Variants in VTI1A observed in about 807,000 individuals in gnomAD.
VTI1A encodes vesicle transport through interaction with t-SNAREs 1A.
A neutral mutation model predicts 34.9 loss-of-function variants in VTI1A; 22 were observed. The ratio of observed to expected loss-of-function variants is 0.63; its 90% CI spans 0.45 to 0.90. The LOEUF is 0.90. VTI1A is among the 40% of genes least tolerant of loss of function. The pLI, the probability that VTI1A is intolerant of heterozygous loss-of-function variation, is 0.00. For synonymous variants in VTI1A, 87 were observed against 97.3 expected, an observed-to-expected ratio of 0.89 and a Z score of 0.62; for missense variants, 268 against 275.6, an observed-to-expected ratio of 0.97 and a Z score of 0.20.
intron 1 of VTI1A, among the ~76,000 whole-genome samples, chr10:112,454,712 CA>C (rs10711229): frequency 0.52 from 70,011 of 134,486 alleles, 17,462 homozygotes; most frequent in Middle Eastern, 0.61. Context: ...GCTTATAGAC[CA>C]AAAAAAAAAA....
At chr10:112,561,563 A>G (rs1851726132) in intron 5 of VTI1A, among the ~76,000 whole-genome samples, 1 of 152,222 alleles carries the variant, frequency 6.6e-6, no homozygotes, top group Non-Finnish European at 1.5e-5. Flanking sequence ...AAATTCATCA[A>G]CATGAAGCTG....
At chr10:112,572,538 T>TA (rs1564832057) in intron 5 of VTI1A, among the ~76,000 whole-genome samples, 1 of 152,036 alleles carries the variant, frequency 6.6e-6, no homozygotes, top group East Asian at 1.9e-4. Context: ...ACTTTGTCAA[T>TA]AAAAAAATTG....
chr10:112,657,743 G>A (rs1408477380), intron 5 of VTI1A, among the ~76,000 whole-genome samples: 2 of 151,912 alleles, frequency 1.3e-5, no homozygotes, highest in Non-Finnish European at 2.9e-5. Context: ...AGCAACAGAA[G>A]AAGAAAACAG....
intron 7 of VTI1A, among the ~76,000 whole-genome samples, chr10:112,691,888 T>G (rs145228894): frequency 6.6e-6 from 1 of 152,310 alleles, no homozygotes; most frequent in African/African-American, 2.4e-5. Context: ...GGAGACTCAA[T>G]TGGGATCACT....
intron 5 of VTI1A, among the ~76,000 whole-genome samples, chr10:112,635,618 C>G (rs1846325148): frequency 6.6e-6 from 1 of 152,102 alleles, no homozygotes; most frequent in African/African-American, 2.4e-5. Flanking sequence ...ACAGGGAAAC[C>G]AGTTAAGAGG....
intron 5 of VTI1A, among the ~76,000 whole-genome samples, chr10:112,585,963 G>A (rs1844137641): frequency 1.3e-5 from 2 of 152,058 alleles, no homozygotes; most frequent in East Asian, 3.9e-4. Context: ...TTGGAGTCAA[G>A]TCCTCTGTTT....
At chr10:112,730,408 G>C (rs745934273) in intron 7 of VTI1A, among the ~76,000 whole-genome samples, 32 of 152,232 alleles carry the variant, frequency 2.1e-4, no homozygotes, top group Non-Finnish European at 3.5e-4. Flanking sequence ...GCGTGATCTT[G>C]TCAGTCCAAA....
At chr10:112,841,167 T>C in the VTI1A span, among the ~76,000 whole-genome samples, 21 of 152,262 alleles carry the variant, frequency 1.4e-4, no homozygotes, top group African/African-American at 4.8e-4. Flanking sequence ...TCCTAGGGGA[T>C]ACTAAAGACA....
At chr10:112,519,878 C>T (rs1254278736) in intron 3 of VTI1A, among the ~76,000 whole-genome samples, 1 of 152,012 alleles carries the variant, frequency 6.6e-6, no homozygotes, top group Non-Finnish European at 1.5e-5. Flanking sequence ...TGACTATGGA[C>T]AGATTTTCAA....
intron 3 of VTI1A, among the ~76,000 whole-genome samples, chr10:112,511,102 A>G (rs910937432): frequency 5.3e-5 from 8 of 152,134 alleles, no homozygotes; most frequent in Non-Finnish European, 1.5e-5. Flanking sequence ...TTGTATTTGA[A>G]AATAATCTCA....
chr10:112,625,204 G>C (rs556569282), intron 5 of VTI1A, among the ~76,000 whole-genome samples: 3 of 152,366 alleles, frequency 2.0e-5, no homozygotes, highest in African/African-American at 4.8e-5. Context: ...TTATGTGTTT[G>C]AGTGTAAAAG....
rs112211272 is a variant in VTI1A at position 112,610,037 on chromosome 10, A to G, written c.428-58181A>G. Among the ~76,000 whole-genome samples the G allele has an allele frequency of 7.2e-4, 110 of 152,294 alleles. 1 individual carries two copies. The highest frequency in any genetic ancestry group is 2.6e-3 in the African/African-American group (108 of 41,554). On this transcript the variant is annotated intron_variant, in intron 5 of 7. Transcript: ENST00000393077. ...GCAGAAAAAAAAATGTGGTAAACAC[A>G]TAGGAAAAGAGAAACAGTGTGGTAA...
intron 7 of VTI1A, among the ~76,000 whole-genome samples, chr10:112,813,660 G>A (rs945219707): frequency 2.6e-4 from 39 of 152,222 alleles, no homozygotes; most frequent in African/African-American, 8.0e-4. Flanking sequence ...AAGCCATGAA[G>A]TCCTGTTTTT....
intron 7 of VTI1A, among the ~76,000 whole-genome samples, chr10:112,780,914 C>G (rs2134037668): frequency 6.6e-6 from 1 of 152,164 alleles, no homozygotes; most frequent in Admixed American, 6.5e-5. Flanking sequence ...TTTCTCATTC[C>G]CACTCACCCC....
intron 7 of VTI1A, among the ~76,000 whole-genome samples, chr10:112,710,601 G>A (rs1590100606): frequency 6.6e-6 from 1 of 152,238 alleles, no homozygotes; most frequent in Non-Finnish European, 1.5e-5. Flanking sequence ...AGCATGGAAT[G>A]ACCTAACTTG....
In VTI1A at chr10:112,712,883, A is replaced by T. The variant is rs146273573; in HGVS notation, c.560+43885A>T. Among the ~76,000 whole-genome samples, 6 of 152,234 alleles carry T rather than the reference A, an allele frequency of 3.9e-5. No homozygotes were observed. The Middle Eastern group carries it at 0.01, about 259-fold the overall frequency. On this transcript the variant is annotated intron_variant, in intron 7 of 7. Coordinates refer to ENST00000393077, the MANE Select transcript of VTI1A (RefSeq NM_145206.4). ...TGTGCTCCCCCATTGTTGTCTTTAA[A>T]TTTGGGGTGGCAGATGTTGAACATC...
chr10:112,485,966 A>T (rs1848611199), intron 3 of VTI1A, among the ~76,000 whole-genome samples: 1 of 152,112 alleles, frequency 6.6e-6, no homozygotes, highest in Non-Finnish European at 1.5e-5. Flanking sequence ...TCCCATGCTC[A>T]TTTCCTGCCT....
At chr10:112,540,655 G>T (rs1850830489) in intron 5 of VTI1A, among the ~76,000 whole-genome samples, 2 of 152,180 alleles carry the variant, frequency 1.3e-5, no homozygotes, top group East Asian at 3.9e-4. Context: ...AATACACTGG[G>T]GTGGGCACCA....
At chr10:112,812,547 A>T (rs1043860108) in intron 7 of VTI1A, among the ~76,000 whole-genome samples, 2 of 152,074 alleles carry the variant, frequency 1.3e-5, no homozygotes, top group Admixed American at 6.5e-5. Flanking sequence ...CCCCCTTCCA[A>T]ACTGGCTCAG....
Sources: gnomAD v4.1 joint callset for allele counts (sites outside exome capture counted in the v4.1 genomes callset) on GRCh38, gnomAD v4.1.1 for gene constraint, MANE v1.5 for transcripts, NCBI Gene and HGNC (gene_info 2026-07-23, HGNC 2026-07-21) for gene names.